MTUS1: variants seen among roughly 807,000 people sequenced by gnomAD.
MTUS1 encodes microtubule associated scaffold protein 1, also known as microtubule-associated tumor suppressor 1.
Under a neutral mutation model 120.8 loss-of-function variants are expected in MTUS1, and 109 were observed. The ratio of observed to expected loss-of-function variants is 0.90; its 90% confidence interval spans 0.77 to 1.06. MTUS1 has a LOEUF of 1.06. MTUS1 is among the 50% of genes least tolerant of loss of function. The probability of loss-of-function intolerance (pLI) is 0.00; values close to 1 mark genes in which losing one functional copy is unlikely to be tolerated. For synonymous variants in MTUS1, 737 were observed against 550.5 expected (o/e 1.34, Z -4.74); for missense variants, 2,210 against 1,486.3 (o/e 1.49, Z -8.01).
At chr8:17,695,426 A>G (rs1817753494) in intron 6 of MTUS1, among the ~76,000 whole-genome samples, 1 of 152,248 alleles carries the variant, frequency 6.6e-6, no homozygotes, top group Non-Finnish European at 1.5e-5. Flanking sequence ...TTCCTGGTAT[A>G]AGACAGATTA....
At chr8:17,657,078 A>AAAAG (rs1808465382) in intron 8 of MTUS1, among the ~76,000 whole-genome samples, 1 of 150,896 alleles carries the variant, frequency 6.6e-6, no homozygotes, top group Admixed American at 6.6e-5. Context: ...AAAAAAAAAA[A>AAAAG]AAAGAAACAA....
chr8:17,709,286 T>A (rs1585857143), intron 6 of MTUS1, among the ~76,000 whole-genome samples: 1 of 152,150 alleles, frequency 6.6e-6, no homozygotes, highest in African/African-American at 2.4e-5. Flanking sequence ...CTGTTTTCTT[T>A]ACACAACAGG....
At chr8:17,747,724 C>G (rs1001519470) in intron 2 of MTUS1, among the ~76,000 whole-genome samples, 1 of 152,138 alleles carries the variant, frequency 6.6e-6, no homozygotes, top group South Asian at 2.1e-4. Flanking sequence ...GGGAGACAAG[C>G]GGCTTGACTG....
chr8:17,784,429 G>T (rs1257769478), intron 1 of MTUS1, among the ~76,000 whole-genome samples: 2 of 151,654 alleles, frequency 1.3e-5, no homozygotes, highest in Non-Finnish European at 2.9e-5. Flanking sequence ...TCAGGTAGCT[G>T]GGATTACAGG....
chr8:17,692,491 G>C (rs1449464351), intron 6 of MTUS1, among the ~76,000 whole-genome samples: 2 of 152,166 alleles, frequency 1.3e-5, no homozygotes, highest in Non-Finnish European at 2.9e-5. Context: ...TCTTAGTGAA[G>C]CTGTTAATTC....
intron 14 of MTUS1, among the ~76,000 whole-genome samples, chr8:17,646,465 G>A (rs1039145521): frequency 6.6e-6 from 1 of 152,146 alleles, no homozygotes; most frequent in Admixed American, 6.5e-5. Context: ...ACATGTGCCT[G>A]TAGTCCCAGC....
intron 1 of MTUS1, among the ~76,000 whole-genome samples, chr8:17,784,661 G>A (rs553998540): frequency 1.3e-5 from 2 of 152,272 alleles, no homozygotes; most frequent in African/African-American, 4.8e-5. Context: ...ACAAAGAGAG[G>A]AATGTATACA....
intron 6 of MTUS1, among the ~76,000 whole-genome samples, chr8:17,703,154 G>A (rs1033752873): frequency 3.3e-5 from 5 of 152,272 alleles, no homozygotes; most frequent in South Asian, 2.1e-4. Flanking sequence ...GACTGCCTGC[G>A]CGGTCGGGCA....
At chr8:17,728,813 G>T (rs537642605) in intron 3 of MTUS1, among the ~76,000 whole-genome samples, 1 of 152,092 alleles carries the variant, frequency 6.6e-6, no homozygotes, top group Non-Finnish European at 1.5e-5. Context: ...GGCTTTTTTA[G>T]CATTTACATC....
chr8:17,755,155 G>A lies in MTUS1; in HGVS notation c.653C>T (p.Ala218Val). ...TTCTCTATCATAAGTAGTTTCTCTT[G>A]CATGCGTCTTATCAGAATGGGAAGA... ...WTSSHSDKTH[A>V]RETTYDRESF... is the part of the protein sequence containing the mutation. The change falls in exon 2 of 15, where the codon GCA (alanine) becomes GTA (valine). Residue 218 changes from alanine to valine, a missense_variant. Physicochemically the swap from Ala to Val is moderately conservative, Grantham distance 64. Transcript: ENST00000693296. 1 of 1,614,108 alleles carries A rather than the reference G, an allele frequency of 6.2e-7. No individual in the cohort carries two copies. Among genetic ancestry groups the A allele is most frequent in the Non-Finnish European group, 8.5e-7 (1 of 1,180,014 alleles).
At chr8:17,768,655 A>G (rs931002076) in intron 1 of MTUS1, among the ~76,000 whole-genome samples, 1 of 152,156 alleles carries the variant, frequency 6.6e-6, no homozygotes, top group Non-Finnish European at 1.5e-5. Context: ...CAATTAGAAC[A>G]TTTTTATACA....
chr8:17,773,784 A>G (rs984211995), intron 1 of MTUS1, among the ~76,000 whole-genome samples: 2 of 152,222 alleles, frequency 1.3e-5, no homozygotes, highest in Non-Finnish European at 2.9e-5. Flanking sequence ...GGAGCACCAA[A>G]ATCCCACAGG....
At chr8:17,751,045 G>C (rs945591485) in intron 2 of MTUS1, among the ~76,000 whole-genome samples, 8 of 152,204 alleles carry the variant, frequency 5.3e-5, no homozygotes, top group African/African-American at 1.9e-4. Flanking sequence ...GACCGGGCGC[G>C]ATGGCTCACG....
chr8:17,682,413 G>T (rs988396993), intron 7 of MTUS1, among the ~76,000 whole-genome samples: 6 of 151,422 alleles, frequency 4.0e-5, no homozygotes, highest in African/African-American at 1.2e-4. Context: ...AGCTATTCGG[G>T]AGGCTGAGGA....
intron 1 of MTUS1, among the ~76,000 whole-genome samples, chr8:17,772,326 T>C (rs961417604): frequency 6.6e-5 from 10 of 152,200 alleles, no homozygotes; most frequent in African/African-American, 2.2e-4. Flanking sequence ...AAATACTTTG[T>C]GTCCCAAAGC....
At chr8:17,691,300 C>G (rs189472749) in intron 6 of MTUS1, 1 of 152,352 alleles carries the variant, frequency 6.6e-6, no homozygotes, top group Non-Finnish European at 1.5e-5. Context: ...TTATCAAAAT[C>G]TTACCTATTG....
At chr8:17,761,404 A>C (rs2049028873) in intron 1 of MTUS1, among the ~76,000 whole-genome samples, 1 of 152,226 alleles carries the variant, frequency 6.6e-6, no homozygotes, top group Non-Finnish European at 1.5e-5. Flanking sequence ...TGCTAGAAGA[A>C]ATTTTAAAGA....
chr8:17,724,900 T>A (rs1262812393), intron 3 of MTUS1, among the ~76,000 whole-genome samples: 1 of 152,194 alleles, frequency 6.6e-6, no homozygotes, highest in Non-Finnish European at 1.5e-5. Context: ...TAGACCGACA[T>A]GCTCCTGTTT....
intron 3 of MTUS1, among the ~76,000 whole-genome samples, chr8:17,735,036 C>T (rs536493141): frequency 2.0e-4 from 31 of 152,234 alleles, no homozygotes; most frequent in Non-Finnish European, 4.1e-4. Context: ...CTCAGGCTCC[C>T]GAGTAGCTAG....
Sources: gnomAD v4.1 joint callset for allele counts (sites outside exome capture counted in the v4.1 genomes callset) on GRCh38, gnomAD v4.1.1 for gene constraint, MANE v1.5 for transcripts, NCBI Gene and HGNC (gene_info 2026-07-23, HGNC 2026-07-21) for gene names.